ZMYND8: variants seen among roughly 807,000 people sequenced by gnomAD.
The protein encoded by ZMYND8 is zinc finger MYND-type containing 8.
ZMYND8 carries 37 observed loss-of-function variants against 140.8 expected under a neutral mutation model. That is an observed-to-expected ratio of 0.26 (90% CI 0.20 to 0.35). ZMYND8 has a LOEUF of 0.35. Among genes scored for constraint, ZMYND8 ranks in the 10% least tolerant of loss-of-function variants. The pLI, the probability that ZMYND8 is intolerant of heterozygous loss-of-function variation, is 1.00. For synonymous variants in ZMYND8, 592 were observed against 597.1 expected (o/e 0.99, Z 0.12); for missense variants, 1,068 against 1,570.0 (o/e 0.68, Z 5.40).
intron 2 of ZMYND8, among the ~76,000 whole-genome samples, chr20:47,325,407 GC>G (rs1490503613): frequency 6.6e-6 from 1 of 152,086 alleles, no homozygotes; most frequent in African/African-American, 2.4e-5. Context: ...GGTTAACAAA[GC>G]CCTGTACAGG....
intron 2 of ZMYND8, among the ~76,000 whole-genome samples, chr20:47,328,683 T>C (rs1300542845): frequency 6.6e-6 from 1 of 152,128 alleles, no homozygotes; most frequent in African/African-American, 2.4e-5. Context: ...AGGCTGGTCT[T>C]GAACTCCTGA....
Position 47,298,706 on chromosome 20 carries a change from G to A in ZMYND8, c.453+23C>T, listed in dbSNP as rs755743479. 1.4e-5 allele frequency: 23 copies of A among 1,603,568 alleles called. No individual in the cohort carries two copies. In the South Asian group the frequency reaches 1.6e-4, roughly 11 times the overall value. ...AAGGAGAGGAAACGAGGCAGGTAAT[G>A]CATTCATTCATCAGGAACTAACCTC... On this transcript the variant is annotated intron_variant, in intron 4 of 22. Transcript: ENST00000471951. This position sits in a 1 kb window ranked among gnomAD's most constrained non-coding sequence, Gnocchi z 5.0.
At chr20:47,309,989 G>A in intron 3 of ZMYND8, 67 bp downstream of exon 3, 1 of 1,600,570 alleles carries the variant, frequency 6.2e-7, no homozygotes, top group Non-Finnish European at 8.5e-7. Flanking sequence ...CAAGGATCCA[G>A]AGGTTCAGCG....
chr20:47,355,433 T>C (rs975905344), intron 1 of ZMYND8: 3 of 985,098 alleles, frequency 3.0e-6, no homozygotes, highest in African/African-American at 3.5e-5. Context: ...ACAGAGGAAA[T>C]GGATTGCTTT....
intron 2 of ZMYND8, among the ~76,000 whole-genome samples, chr20:47,344,670 A>G (rs572227841): frequency 5.9e-5 from 9 of 152,374 alleles, no homozygotes; most frequent in African/African-American, 2.2e-4. Context: ...ATTATTTGTA[A>G]CAATTACACC....
Position 47,225,596 on chromosome 20 carries a change from A to AGGGAGGGGAATGAAGGGGAAG in ZMYND8, c.3017-1041_3017-1040insCTTCCCCTTCATTCCCCTCCC. ...GGGGAAGGGAGGGGAAGGAAGGGGA[A>AGGGAGGGGAATGAAGGGGAAG]GGAGGGGATGGGAGGGGAATGGTCC... On this transcript the variant is annotated intron_variant, in intron 18 of 22. Transcript: ENST00000471951. 3.1e-3 allele frequency among the ~76,000 whole-genome samples: 15 copies of AGGGAGGGGAATGAAGGGGAAG among 4,800 alleles called. 1 individual carries two copies. Among genetic ancestry groups the AGGGAGGGGAATGAAGGGGAAG allele is most frequent in the Admixed American group, 0.013 (4 of 298 alleles). 3.1% of individuals were successfully genotyped at this position (4,800 alleles called of 152,430 possible).
intron 12 of ZMYND8, among the ~76,000 whole-genome samples, chr20:47,261,667 G>A (rs1373979435): frequency 6.6e-6 from 1 of 152,102 alleles, no homozygotes; most frequent in Non-Finnish European, 1.5e-5. Flanking sequence ...CTGCACATAG[G>A]AAAGGTAAGT....
intron 2 of ZMYND8, among the ~76,000 whole-genome samples, chr20:47,338,971 CTT>C (rs141938915): frequency 3.0e-4 from 42 of 137,880 alleles, no homozygotes; most frequent in Non-Finnish European, 2.5e-4. Flanking sequence ...ACAATTATTT[CTT>C]TTTTTTTTTT....
chr20:47,293,681 T>C (rs1192035604), intron 5 of ZMYND8, among the ~76,000 whole-genome samples: 2 of 152,202 alleles, frequency 1.3e-5, no homozygotes. Flanking sequence ...AAGCTCCCCT[T>C]GCTGGGTGTT....
At chr20:47,277,761 C>T (rs1485625439) in intron 10 of ZMYND8, among the ~76,000 whole-genome samples, 1 of 152,018 alleles carries the variant, frequency 6.6e-6, no homozygotes, top group African/African-American at 2.4e-5. Flanking sequence ...ACCTCCGTCT[C>T]CTGGGTTCAA....
Position 47,265,358 on chromosome 20 carries a change from C to T in ZMYND8, c.1481-2930G>A, listed in dbSNP as rs181378837. ...CTAAAGGGTAGCAGGAACAAACAAA[C>T]AAAAACACGCAAAGATGCTGTTGCA... On this transcript the variant is annotated intron_variant, in intron 11 of 22. Transcript: ENST00000471951. Among the ~76,000 whole-genome samples the T allele has an allele frequency of 2.0e-5, 3 of 152,222 alleles. No homozygotes were observed. In the East Asian group the frequency reaches 5.8e-4, roughly 29 times the overall value.
chr20:47,236,289 G>A (rs754381154), intron 16 of ZMYND8, 37 bp downstream of exon 16: 9 of 1,613,044 alleles, frequency 5.6e-6, no homozygotes, highest in Non-Finnish European at 7.6e-6. Flanking sequence ...CCTGCCAGGT[G>A]TCTGCCATCT....
chr20:47,288,997 G>A (rs528689632), intron 7 of ZMYND8, among the ~76,000 whole-genome samples: 7 of 152,244 alleles, frequency 4.6e-5, no homozygotes, highest in Admixed American at 2.0e-4. Flanking sequence ...AGCTACTCGG[G>A]AGGCTGAGGA....
At position 47,209,597 on chromosome 20, in the gene ZMYND8, CAA is replaced by C. The variant is rs779062565; in HGVS notation, c.*1162_*1163del. 1.7e-4 allele frequency: 26 copies of C among 152,222 alleles called. No homozygotes were observed. The highest frequency in any genetic ancestry group is 3.9e-4 in the East Asian group (2 of 5,188). The allele number at this position is 152,222 out of a possible 1,614,324, so 9.4% of individuals were successfully genotyped here. ...CTCTTAACAATGAAGAGAAAGTAAA[CAA>C]GACTAAAATGTACAACAAAACGTAC... On this transcript the variant is annotated 3_prime_UTR_variant, in exon 23 of 23. Transcript: ENST00000471951.
intron 6 of ZMYND8, among the ~76,000 whole-genome samples, chr20:47,291,376 A>G (rs564584972): frequency 1.3e-5 from 2 of 152,342 alleles, no homozygotes; most frequent in Admixed American, 1.3e-4. Context: ...TCAGTAGAGT[A>G]AGTCAAATTC....
At chr20:47,313,444 A>G (rs2079113298) in intron 2 of ZMYND8, among the ~76,000 whole-genome samples, 1 of 151,558 alleles carries the variant, frequency 6.6e-6, no homozygotes, top group African/African-American at 2.4e-5. Flanking sequence ...AACATGGTGA[A>G]ACCCCGTCTC....
chr20:47,338,410 A>C (rs2081557512), intron 2 of ZMYND8, among the ~76,000 whole-genome samples: 1 of 151,652 alleles, frequency 6.6e-6, no homozygotes, highest in Non-Finnish European at 1.5e-5. Flanking sequence ...TAAACTTCCC[A>C]AGAAAAGCAG....
intron 21 of ZMYND8, among the ~76,000 whole-genome samples, chr20:47,216,159 T>C (rs2036068026): frequency 6.6e-6 from 1 of 152,100 alleles, no homozygotes; most frequent in Admixed American, 6.6e-5. Context: ...ATAGCCATCA[T>C]GGACGATGGA....
chr20:47,302,205 G>A (rs975999346), intron 3 of ZMYND8, among the ~76,000 whole-genome samples: 7 of 242 alleles, frequency 0.029, no homozygotes, highest in Admixed American at 0.17. Context: ...GGCCAGGCGT[G>A]GTGGCACGCC....
Sources: allele counts gnomAD v4.1 joint callset (sites outside exome capture counted in the v4.1 genomes callset), GRCh38; gene constraint gnomAD v4.1.1; non-coding constraint Gnocchi (gnomAD v3.1); transcripts MANE v1.5; gene names NCBI Gene and HGNC (gene_info 2026-07-23, HGNC 2026-07-21).